Variants in GRIN2A observed in about 807,000 individuals in gnomAD.
GRIN2A encodes the protein glutamate receptor ionotropic, NMDA 2A.
A neutral mutation model predicts 113.4 loss-of-function variants in GRIN2A; 22 were observed. The observed-to-expected ratio is 0.19, with a 90% confidence interval of 0.14 to 0.28. The LOEUF (loss-of-function observed/expected upper bound fraction) is 0.28, where lower values mean the gene tolerates loss of function less well. Among genes scored for constraint, GRIN2A ranks in the 10% least tolerant of loss-of-function variants. The pLI, the probability that GRIN2A is intolerant of heterozygous loss-of-function variation, is 1.00. For missense variants in GRIN2A, 1,502 were observed against 1,887.0 expected (o/e 0.80, Z 3.78); for synonymous variants, 827 against 738.4 (o/e 1.12, Z -1.94).
intron 2 of GRIN2A, among the ~76,000 whole-genome samples, chr16:10,125,412 G>A (rs1355158117): frequency 6.6e-6 from 1 of 152,162 alleles, no homozygotes; most frequent in Non-Finnish European, 1.5e-5. Flanking sequence ...GTTAGGAGAA[G>A]TCGAGTAAAT....
intron 2 of GRIN2A, among the ~76,000 whole-genome samples, chr16:10,074,364 T>C (rs72774143): frequency 0.091 from 13,834 of 152,224 alleles, 710 homozygotes; most frequent in Non-Finnish European, 0.11. Context: ...ATCCAGCAAT[T>C]CCATTTCTAG....
Position 9,763,959 on chromosome 16 carries a change from G to C in GRIN2A, c.3585C>G (p.Asp1195Glu), listed in dbSNP as rs2141130754. The C allele has an allele frequency of 1.2e-6, 2 of 1,614,160 alleles. No homozygotes were observed. The highest frequency in any genetic ancestry group is 1.7e-6 in the Non-Finnish European group (2 of 1,180,020). The change falls in exon 13 of 13, where the codon GAC (aspartate) becomes GAG (glutamate). Residue 1195 changes from aspartate (D) to glutamate (E), a missense_variant. This residue lies in a region of GRIN2A where 832 missense variants were observed against 789.7 expected (regional missense o/e 1.05). Coordinates refer to ENST00000330684, the MANE Select transcript of GRIN2A (RefSeq NM_001134407.3). ...KLYSKHFTLK[D>E]KGSPHSETSE... Reference sequence around the variant, plus strand: ...TGGTCTCACTGTGCGGGGAACCCTTGTCTTTCAAGGTGAAGTGCTTGGAGT... The same window carrying C: ...TGGTCTCACTGTGCGGGGAACCCTTCTCTTTCAAGGTGAAGTGCTTGGAGT...
intron 3 of GRIN2A, among the ~76,000 whole-genome samples, chr16:9,932,017 A>G (rs1254852560): frequency 6.6e-6 from 1 of 152,194 alleles, no homozygotes; most frequent in Non-Finnish European, 1.5e-5. Context: ...AGCTACCAAA[A>G]AGCAGCTTGG....
At chr16:10,045,208 G>T (rs1246553658) in intron 2 of GRIN2A, among the ~76,000 whole-genome samples, 1 of 152,184 alleles carries the variant, frequency 6.6e-6, no homozygotes, top group Non-Finnish European at 1.5e-5. Context: ...TTTCTGGTAA[G>T]ATCTGGCCAG....
chr16:9,811,569 G>C (rs1458463976), intron 10 of GRIN2A, among the ~76,000 whole-genome samples: 1 of 152,102 alleles, frequency 6.6e-6, no homozygotes, highest in East Asian at 1.9e-4. Context: ...GACCAGCCTG[G>C]TACAACGTGG....
intron 9 of GRIN2A, among the ~76,000 whole-genome samples, chr16:9,823,214 G>A (rs1005438662): frequency 7.7e-6 from 1 of 129,676 alleles, no homozygotes; most frequent in African/African-American, 3.6e-5. Flanking sequence ...AATGAGAGTC[G>A]AATCAATAGA....
chr16:9,952,963 G>A lies in GRIN2A; in HGVS notation c.415-14412C>T, dbSNP rs181953476. Among the ~76,000 whole-genome samples, 13 of 152,252 alleles carry A rather than the reference G, an allele frequency of 8.5e-5. No homozygotes were observed. In the East Asian group the frequency reaches 2.5e-3, roughly 29 times the overall value. On this transcript the variant is annotated intron_variant, in intron 2 of 12. Transcript: ENST00000330684. ...GGAGTTAATGCTTTCTGGGGTTGAC[G>A]AGAAGAATCCATGAAAGAATTTTTT...
rs200801101 is a variant in GRIN2A at position 10,024,473 on chromosome 16, C to T, written c.415-85922G>A. On this transcript the variant is annotated intron_variant, in intron 2 of 12. Transcript: ENST00000330684. Reference sequence around the variant, plus strand: ...AACCTCATGATCCACCCGTCTTGGCCTCCCAAAGTGCTGGAATTACAGGCG... The same window carrying T: ...AACCTCATGATCCACCCGTCTTGGCTTCCCAAAGTGCTGGAATTACAGGCG... Among the ~76,000 whole-genome samples the T allele has an allele frequency of 2.1e-4, 32 of 152,354 alleles. No homozygotes were observed. The East Asian group carries it at 5.6e-3, about 27-fold the overall frequency.
chr16:9,882,451 C>T (rs545919195), intron 4 of GRIN2A, among the ~76,000 whole-genome samples: 2 of 152,218 alleles, frequency 1.3e-5, no homozygotes, highest in South Asian at 4.1e-4. Flanking sequence ...TGCATCCCCT[C>T]CCTTAATGAG....
At chr16:9,959,124 A>G (rs1424183598) in intron 2 of GRIN2A, among the ~76,000 whole-genome samples, 2 of 152,196 alleles carry the variant, frequency 1.3e-5, no homozygotes, top group African/African-American at 2.4e-5. Context: ...TTCCTATTCA[A>G]ATATTTGGTT....
At chr16:9,899,475 A>G (rs2043875428) in intron 3 of GRIN2A, among the ~76,000 whole-genome samples, 1 of 139,602 alleles carries the variant, frequency 7.2e-6, no homozygotes. Context: ...AAGTCAAGAC[A>G]GAAAAATAAT....
At chr16:9,812,804 A>G (rs933541070) in intron 10 of GRIN2A, among the ~76,000 whole-genome samples, 2 of 152,222 alleles carry the variant, frequency 1.3e-5, no homozygotes, top group Admixed American at 6.5e-5. Flanking sequence ...GGATAAAGCA[A>G]TTGGAGTTAA....
intron 9 of GRIN2A, among the ~76,000 whole-genome samples, chr16:9,824,157 G>C (rs145517308): frequency 1.0e-3 from 157 of 152,338 alleles, no homozygotes; most frequent in African/African-American, 3.7e-3. Flanking sequence ...AACTGGATTT[G>C]GGAGAAGTGG....
In GRIN2A at chr16:9,880,254, G is replaced by A. The variant is rs187999087; in HGVS notation, c.1122+10732C>T. ...GTCAGCTAGGGACTGACAGTGCCTA[G>A]AGGCCCCTGCATTCCTTATCATGGA... On this transcript the variant is annotated intron_variant, in intron 4 of 12. Coordinates refer to ENST00000330684, the MANE Select transcript of GRIN2A (RefSeq NM_001134407.3). Among the ~76,000 whole-genome samples, 7 of 152,296 alleles carry A rather than the reference G, an allele frequency of 4.6e-5. No individual in the cohort carries two copies. The East Asian group carries it at 1.4e-3, about 29-fold the overall frequency.
chr16:10,149,957 T>C (rs985625049), intron 2 of GRIN2A, among the ~76,000 whole-genome samples: 8 of 152,064 alleles, frequency 5.3e-5, no homozygotes, highest in African/African-American at 1.9e-4. Flanking sequence ...AGAACAGGTG[T>C]GAAGAGGCTC....
At chr16:9,823,186 C>T (rs571722835) in intron 9 of GRIN2A, among the ~76,000 whole-genome samples, 3 of 150,354 alleles carry the variant, frequency 2.0e-5, no homozygotes, top group East Asian at 1.9e-4. Context: ...TCCACAGCTT[C>T]GATGTTTCAG....
chr16:10,011,879 C>T (rs2046512103), intron 2 of GRIN2A, among the ~76,000 whole-genome samples: 1 of 152,174 alleles, frequency 6.6e-6, no homozygotes, highest in South Asian at 2.1e-4. Flanking sequence ...TCACATGCTA[C>T]ACCAAGCTGC....
chr16:10,073,265 T>C (rs1396823004), intron 2 of GRIN2A, among the ~76,000 whole-genome samples: 1 of 152,114 alleles, frequency 6.6e-6, no homozygotes, highest in African/African-American at 2.4e-5. Flanking sequence ...CAAGATCCCG[T>C]AATTCTTGAG....
chr16:10,106,729 C>T (rs192693972), intron 2 of GRIN2A, among the ~76,000 whole-genome samples: 2 of 152,080 alleles, frequency 1.3e-5, no homozygotes, highest in African/African-American at 4.8e-5. Context: ...GAAGTTGGCT[C>T]CTTCACTTCT....
Sources: allele counts gnomAD v4.1 joint callset (sites outside exome capture counted in the v4.1 genomes callset), GRCh38; gene constraint gnomAD v4.1.1; regional missense constraint gnomAD v4.1.1; transcripts MANE v1.5; gene names NCBI Gene and HGNC (gene_info 2026-07-23, HGNC 2026-07-21).